EBF3: variants seen among roughly 807,000 people sequenced by gnomAD.
EBF3 encodes EBF transcription factor 3.
In EBF3, 18 loss-of-function variants were observed where a neutral mutation model predicts 77.1. The observed-to-expected ratio is 0.23, with a 90% CI of 0.16 to 0.35. EBF3 has a LOEUF of 0.35. Among genes scored for constraint, EBF3 ranks in the 10% least tolerant of loss-of-function variants. The pLI is 1.00. For synonymous variants in EBF3, 350 were observed against 343.5 expected, an observed-to-expected ratio of 1.02 and a Z score of -0.21; for missense variants, 558 against 860.0, an observed-to-expected ratio of 0.65 and a Z score of 4.39.
rs1857285207 is a variant in EBF3 at position 129,935,323 on chromosome 10, G to A, written c.554+21935C>T. 6.6e-6 allele frequency among the ~76,000 whole-genome samples: 1 copy of A among 152,150 alleles called. No homozygotes were observed. Among genetic ancestry groups the A allele is most frequent in the Admixed American group, 6.5e-5 (1 of 15,282 alleles). ...GGATCTGCCCAGTGACTGGCGGCCT[G>A]GGACCAGGGTGGCCCTGCCTTCCCA... On this transcript the variant is annotated intron_variant, in intron 6 of 16. Transcript: ENST00000440978. This position sits in a 1 kb window ranked among gnomAD's most constrained non-coding sequence, Gnocchi z 4.2.
chr10:129,917,133 C>T lies in EBF3; in HGVS notation c.555-39284G>A, dbSNP rs375072416. Among the ~76,000 whole-genome samples the T allele has an allele frequency of 3.9e-5, 6 of 152,112 alleles. No homozygotes were observed. The South Asian group carries it at 1.0e-3, about 26-fold the overall frequency. On this transcript the variant is annotated intron_variant, in intron 6 of 16. Coordinates refer to ENST00000440978, the MANE Select transcript of EBF3 (RefSeq NM_001375380.1). ...CCTGTAATTCCAGCACTTGGGAGGC[C>T]GAGGCAGGTGGATCACCTGAGGTCA... is the stretch of plus-strand genomic sequence containing the variant.
At chr10:129,898,817 GCCGCTGCCCCTCCTCCCGCGCCCAGGCC>G (rs1554912106) in intron 6 of EBF3, among the ~76,000 whole-genome samples, 1 of 152,192 alleles carries the variant, frequency 6.6e-6, no homozygotes, top group Non-Finnish European at 1.5e-5. Flanking sequence ...GTGACAGCTC[GCCGCTGCCCCTCCTCCCGCGCCCAGGCC>G]CCGCTGCGCC....
chr10:129,867,606 G>T (rs1289360584), intron 9 of EBF3, among the ~76,000 whole-genome samples, 176 bp downstream of exon 9: 1 of 152,216 alleles, frequency 6.6e-6, no homozygotes, highest in African/African-American at 2.4e-5. Context: ...GGGCTGCAGG[G>T]CAGGGGGGTG....
In EBF3 at chr10:129,840,407, C is replaced by T; in HGVS notation, c.1597G>A (p.Val533Ile). 2.6e-6 allele frequency: 4 copies of T among 1,552,246 alleles called. No homozygotes were observed. The highest frequency in any genetic ancestry group is 3.5e-6 in the Non-Finnish European group (4 of 1,147,290). ...CTGCTACAGTTTGAAGGGAGGGTGA[C>T]CGAAGAGGCTGCCATGGTGGGGCTG... Reference protein sequence around the residue: ...PSSPTMAASSVTLPSNCSSTH... With the variant: ...PSSPTMAASSITLPSNCSSTH... Residue 533 changes from valine (V) to isoleucine (I), a missense_variant, in exon 15 of 17, where the codon GTC becomes ATC. Coordinates refer to ENST00000440978, the MANE Select transcript of EBF3 (RefSeq NM_001375380.1).
Position 129,963,556 on chromosome 10 carries a change from G to C in EBF3, c.135-33C>G. 2 of 1,407,154 alleles carry C rather than the reference G, an allele frequency of 1.4e-6. No individual in the cohort carries two copies. Among genetic ancestry groups the C allele is most frequent in the South Asian group, 1.4e-5 (1 of 69,152 alleles). 87.2% of individuals were successfully genotyped at this position (1,407,154 alleles called of 1,614,324 possible). On this transcript the variant is annotated intron_variant, in intron 1 of 16. Transcript: ENST00000440978. The surrounding 1 kb of genome is among the most constrained non-coding windows in gnomAD (Gnocchi z 7.1). ...AGGAAAGAGACAGCGGCCCGGTGAG[G>C]AGCGCGGCGCCGGCCGGCGGAGGGG...
At position 129,850,343 on chromosome 10, in the gene EBF3, G is replaced by A. The variant is rs957723610; in HGVS notation, c.1040-1863C>T. ...TGTAATAACCATACACTCTCATTCTGGGAGAGACGCTTTCCAATGTTTCAG... is the reference window on the plus strand; with the variant it reads ...TGTAATAACCATACACTCTCATTCTAGGAGAGACGCTTTCCAATGTTTCAG... On this transcript the variant is annotated intron_variant, in intron 10 of 16. Coordinates refer to ENST00000440978, the MANE Select transcript of EBF3 (RefSeq NM_001375380.1). 6.6e-5 allele frequency among the ~76,000 whole-genome samples: 10 copies of A among 152,320 alleles called. No individual in the cohort carries two copies. In the South Asian group the frequency reaches 1.7e-3, roughly 25 times the overall value.
chr10:129,843,330 C>G, intron 11 of EBF3, 128 bp from the exon 12 acceptor site: 1 of 933,682 alleles, frequency 1.1e-6, no homozygotes. Flanking sequence ...CTGGCCCTGC[C>G]GTGCACTTCG....
At chr10:129,840,528 G>A (rs1016794148) in intron 14 of EBF3, 86 bp from the exon 15 acceptor site, 1 of 1,426,488 alleles carries the variant, frequency 7.0e-7, no homozygotes, top group African/African-American at 1.4e-5. Context: ...CTCGGACGGG[G>A]GGGCAGGGGC....
chr10:129,886,013 G>A (rs1164821375), intron 6 of EBF3, among the ~76,000 whole-genome samples: 4 of 151,494 alleles, frequency 2.6e-5, no homozygotes, highest in African/African-American at 7.3e-5. Flanking sequence ...GTGGGTGAGG[G>A]GGTGTTGTTT....
Position 129,837,756 on chromosome 10 carries a change from T to G in EBF3, c.*187A>C. On this transcript the variant is annotated 3_prime_UTR_variant, in exon 17 of 17. Coordinates refer to ENST00000440978, the MANE Select transcript of EBF3 (RefSeq NM_001375380.1). ...TTCATGAAGAAGTAGGCTGTTTGCA[T>G]GTTGATTCTTAATAGTTTAAATAAA... 1.5e-6 allele frequency: 1 copy of G among 677,294 alleles called. No homozygotes were observed. The highest frequency in any genetic ancestry group is 2.5e-6 in the Non-Finnish European group (1 of 401,770). 42.0% of individuals were successfully genotyped at this position (677,294 alleles called of 1,614,324 possible). A position where few individuals can be genotyped will look rare whatever the true frequency, so the allele number is the denominator to read the frequency against.
At chr10:129,920,461 G>GGGCGGCACAGCATACCT (rs1419739681) in intron 6 of EBF3, among the ~76,000 whole-genome samples, 17 of 152,220 alleles carry the variant, frequency 1.1e-4, no homozygotes, top group African/African-American at 3.6e-4. Context: ...CCAAGGGCGG[G>GGGCGGCACAGCATACCT]GGCGGCACAG....
At chr10:129,884,901 T>C (rs1853465777) in intron 6 of EBF3, among the ~76,000 whole-genome samples, 2 of 152,212 alleles carry the variant, frequency 1.3e-5, no homozygotes, top group Non-Finnish European at 2.9e-5. Context: ...TTCCCTCCGC[T>C]GTAGTAACCA....
Position 129,964,133 on chromosome 10 carries a change from G to A in EBF3, c.-365C>T, listed in dbSNP as rs1859752188. 1.0e-6 allele frequency: 1 copy of A among 984,894 alleles called. No individual in the cohort carries two copies. The highest frequency in any genetic ancestry group is 1.7e-5 in the African/African-American group (1 of 57,196). The allele number at this position is 984,894 out of a possible 1,614,324, so 61.0% of individuals were successfully genotyped here. ...CTGCGGGATCGCCCGCTTCTGGCGC[G>A]GCCCGCCTGCTCCAAAGACAAATAA... On this transcript the variant is annotated 5_prime_UTR_variant, in exon 1 of 17. Transcript: ENST00000440978. This position sits in a 1 kb window ranked among gnomAD's most constrained non-coding sequence, Gnocchi z 4.5.
At chr10:129,893,460 T>C (rs1854158033) in intron 6 of EBF3, among the ~76,000 whole-genome samples, 1 of 152,244 alleles carries the variant, frequency 6.6e-6, no homozygotes, top group Non-Finnish European at 1.5e-5. Flanking sequence ...TAAATTTGAA[T>C]TGCAATTAGA....
At chr10:129,930,242 C>A (rs537492624) in intron 6 of EBF3, among the ~76,000 whole-genome samples, 1 of 152,198 alleles carries the variant, frequency 6.6e-6, no homozygotes, top group East Asian at 1.9e-4. Flanking sequence ...CCCAGGGTCT[C>A]CAGCTTGCAG....
chr10:129,961,937 G>T (rs1432499174), intron 4 of EBF3, among the ~76,000 whole-genome samples: 3 of 152,196 alleles, frequency 2.0e-5, no homozygotes. Context: ...GACAGAATAT[G>T]ATTCCAATCA....
intron 6 of EBF3, among the ~76,000 whole-genome samples, chr10:129,927,485 T>TA (rs1412102414): frequency 6.6e-6 from 1 of 152,108 alleles, no homozygotes; most frequent in Non-Finnish European, 1.5e-5. Flanking sequence ...TTCCATCTAC[T>TA]AAGCCAACAC....
Position 129,905,277 on chromosome 10 carries a change from G to A in EBF3, c.555-27428C>T, listed in dbSNP as rs899777956. On this transcript the variant is annotated intron_variant, in intron 6 of 16. Transcript: ENST00000440978. ...GCATGTGGTAGGGGCCGGTCCTCAT[G>A]GAGATGTGCTGTTTGTGTCCAATAC... 2.8e-4 allele frequency among the ~76,000 whole-genome samples: 42 copies of A among 152,332 alleles called. 1 individual carries two copies. Among genetic ancestry groups the A allele is most frequent in the Middle Eastern group, 6.8e-3 (2 of 294 alleles).
intron 6 of EBF3, among the ~76,000 whole-genome samples, chr10:129,941,585 T>C (rs1391708024): frequency 6.6e-6 from 1 of 151,986 alleles, no homozygotes; most frequent in Admixed American, 6.5e-5. Flanking sequence ...GGGGGAGCCC[T>C]CCAGGCCCAA....
Sources: gnomAD v4.1 joint callset for allele counts (sites outside exome capture counted in the v4.1 genomes callset) on GRCh38, gnomAD v4.1.1 for gene constraint, Gnocchi (gnomAD v3.1) non-coding constraint, MANE v1.5 for transcripts, NCBI Gene and HGNC (gene_info 2026-07-23, HGNC 2026-07-21) for gene names.